SEMA3D: variants seen among roughly 807,000 people sequenced by gnomAD.
The protein encoded by SEMA3D is semaphorin 3D, also known as semaphorin-3D.
SEMA3D carries 84 observed loss-of-function variants against 100.1 expected under a neutral mutation model. The ratio of observed to expected loss-of-function variants is 0.84; its 90% confidence interval spans 0.70 to 1.01. The LOEUF is 1.01. Among genes scored for constraint, SEMA3D ranks in the 50% least tolerant of loss-of-function variants. The pLI is 0.00. For missense variants in SEMA3D, 875 were observed against 934.1 expected, an observed-to-expected ratio of 0.94 and a Z score of 0.82; for synonymous variants, 312 against 320.7, an observed-to-expected ratio of 0.97 and a Z score of 0.29.
chr7:85,210,850 A>G, the SEMA3D span, among the ~76,000 whole-genome samples: 61 of 152,190 alleles, frequency 4.0e-4, 1 homozygote, highest in Admixed American at 1.0e-3. Flanking sequence ...CTTATTACTT[A>G]CTATGGTCTT....
At chr7:85,109,319 C>T (rs1484073161) in intron 3 of SEMA3D, among the ~76,000 whole-genome samples, 1 of 151,898 alleles carries the variant, frequency 6.6e-6, no homozygotes, top group African/African-American at 2.4e-5. Context: ...AATTCTAAGC[C>T]CCATCACCCA....
chr7:85,174,422 A>G (rs776429086), intron 1 of SEMA3D, among the ~76,000 whole-genome samples: 1 of 152,184 alleles, frequency 6.6e-6, no homozygotes, highest in Non-Finnish European at 1.5e-5. Context: ...TATAGGAGTG[A>G]CATAAGCTTT....
chr7:85,002,043 C>T (rs1468480462), intron 18 of SEMA3D, among the ~76,000 whole-genome samples: 2 of 152,078 alleles, frequency 1.3e-5, no homozygotes, highest in Admixed American at 1.3e-4. Context: ...CTTGATCTCA[C>T]CCATATTGTG....
chr7:85,028,523 G>C (rs373623914), intron 12 of SEMA3D: 1 of 327,854 alleles, frequency 3.1e-6, no homozygotes, highest in Non-Finnish European at 5.7e-6. Flanking sequence ...CTTAGGTGGA[G>C]AGGACTTTCA....
At chr7:85,041,841 T>C (rs1790874405) in intron 10 of SEMA3D, 2 of 226,190 alleles carry the variant, frequency 8.8e-6, no homozygotes, top group Admixed American at 5.5e-5. Flanking sequence ...TTCCTACCTA[T>C]AGAAGGTGGC....
At chr7:85,142,530 G>T (rs1306773407) in intron 2 of SEMA3D, 2 of 983,680 alleles carry the variant, frequency 2.0e-6, no homozygotes, top group African/African-American at 3.5e-5. Context: ...TGGTAATATG[G>T]TATTTTCCCC....
intron 1 of SEMA3D, among the ~76,000 whole-genome samples, chr7:85,185,774 A>T (rs578013138): frequency 2.0e-5 from 3 of 152,308 alleles, no homozygotes; most frequent in Non-Finnish European, 4.4e-5. Flanking sequence ...AACAGTGCCG[A>T]AAACGGCCCG....
chr7:85,053,404 C>T (rs886357244), intron 9 of SEMA3D, among the ~76,000 whole-genome samples: 1 of 151,820 alleles, frequency 6.6e-6, no homozygotes, highest in Non-Finnish European at 1.5e-5. Flanking sequence ...GAAGAAACAA[C>T]AGAAAGGAAT....
chr7:85,238,708 A>C, the SEMA3D span, among the ~76,000 whole-genome samples: 3 of 152,200 alleles, frequency 2.0e-5, no homozygotes, highest in Non-Finnish European at 4.4e-5. Flanking sequence ...CTTTAGATTT[A>C]GGTTGTCAAT....
chr7:85,080,142 C>A (rs1239383827), intron 5 of SEMA3D, among the ~76,000 whole-genome samples: 1 of 152,088 alleles, frequency 6.6e-6, no homozygotes, highest in Non-Finnish European at 1.5e-5. Flanking sequence ...AATCAGGGGT[C>A]ACTACAAGTT....
chr7:85,229,932 A>C, the SEMA3D span, among the ~76,000 whole-genome samples: 3 of 152,170 alleles, frequency 2.0e-5, no homozygotes, highest in South Asian at 6.2e-4. Context: ...TAAAAGAAAA[A>C]AACTCTTCTT....
At chr7:85,208,925 A>G in the SEMA3D span, among the ~76,000 whole-genome samples, 3 of 152,106 alleles carry the variant, frequency 2.0e-5, no homozygotes, top group Admixed American at 6.6e-5. Context: ...GATCAGGACC[A>G]CTGAAGGAAG....
chr7:85,139,819 T>C (rs1462330805), intron 2 of SEMA3D, among the ~76,000 whole-genome samples: 2 of 150,652 alleles, frequency 1.3e-5, no homozygotes, highest in East Asian at 3.9e-4. Flanking sequence ...TTTGTGACTA[T>C]ATTAAGATGT....
chr7:85,124,154 A>T (rs1194870651), intron 2 of SEMA3D, among the ~76,000 whole-genome samples: 1 of 152,038 alleles, frequency 6.6e-6, no homozygotes, highest in Non-Finnish European at 1.5e-5. Flanking sequence ...ACAGAAAAAA[A>T]TTTATCAGAT....
chr7:85,185,621 C>A (rs1040721807), intron 1 of SEMA3D, among the ~76,000 whole-genome samples: 3 of 152,284 alleles, frequency 2.0e-5, no homozygotes, highest in East Asian at 3.9e-4. Context: ...TGCTGGCGCG[C>A]GGCTCTCTTC....
chr7:85,097,219 T>C (rs891361229), intron 4 of SEMA3D, among the ~76,000 whole-genome samples: 25 of 151,888 alleles, frequency 1.6e-4, no homozygotes, highest in African/African-American at 6.0e-4. Flanking sequence ...AATTTTAAAG[T>C]ACTAGTGTAT....
chr7:85,025,337 G>A (rs1283754639), intron 12 of SEMA3D, among the ~76,000 whole-genome samples: 1 of 151,942 alleles, frequency 6.6e-6, no homozygotes, highest in African/African-American at 2.4e-5. Context: ...AACCTGCCTA[G>A]ACACACCCTG....
At chr7:85,110,947 G>T (rs1789076238) in intron 3 of SEMA3D, among the ~76,000 whole-genome samples, 6 of 151,970 alleles carry the variant, frequency 3.9e-5, no homozygotes, top group Admixed American at 3.9e-4. Flanking sequence ...CAACAGTGAG[G>T]TCTGTTAAAT....
At chr7:85,035,222 T>C (rs1357777493) in intron 12 of SEMA3D, among the ~76,000 whole-genome samples, 1 of 151,310 alleles carries the variant, frequency 6.6e-6, no homozygotes, top group African/African-American at 2.4e-5. Flanking sequence ...AATGTATATA[T>C]GATATATGAT....
Sources: gnomAD v4.1 joint callset for allele counts (sites outside exome capture counted in the v4.1 genomes callset) on GRCh38, gnomAD v4.1.1 for gene constraint, MANE v1.5 for transcripts, NCBI Gene and HGNC (gene_info 2026-07-23, HGNC 2026-07-21) for gene names.